Variants in TACR3 observed in about 807,000 individuals in gnomAD.
TACR3 encodes the protein tachykinin receptor 3.
A neutral mutation model predicts 35.0 loss-of-function variants in TACR3; 34 were observed. That is an observed-to-expected ratio of 0.97 (90% CI 0.74 to 1.30). TACR3 has a LOEUF of 1.30. Ranked by LOEUF, TACR3 falls within the 50% of genes most tolerant of loss-of-function variation. The probability of loss-of-function intolerance (pLI) is 0.00; values close to 1 mark genes in which losing one functional copy is unlikely to be tolerated. For missense variants in TACR3, 558 were observed against 591.7 expected, an observed-to-expected ratio of 0.94 and a Z score of 0.59; for synonymous variants, 233 against 221.1, an observed-to-expected ratio of 1.05 and a Z score of -0.48.
chr4:103,709,884 A>C (rs541874782), intron 1 of TACR3, among the ~76,000 whole-genome samples: 149 of 152,314 alleles, frequency 9.8e-4, no homozygotes, highest in Non-Finnish European at 1.9e-3. Flanking sequence ...ACAGACTTTA[A>C]ACCAACAAAG....
At chr4:103,683,879 G>T (rs1722170390) in intron 1 of TACR3, among the ~76,000 whole-genome samples, 1 of 151,234 alleles carries the variant, frequency 6.6e-6, no homozygotes, top group South Asian at 2.1e-4. Context: ...AGAGAGAGAG[G>T]AGAGCCAGAC....
Position 103,618,007 on chromosome 4 carries a change from A to T in TACR3, c.889-26324T>A, listed in dbSNP as rs541192003. Among the ~76,000 whole-genome samples the T allele has an allele frequency of 3.3e-5, 5 of 152,284 alleles. No individual in the cohort carries two copies. In the East Asian group the frequency reaches 9.7e-4, roughly 29 times the overall value. On this transcript the variant is annotated intron_variant, in intron 3 of 4. Transcript: ENST00000304883. Reference sequence around the variant, plus strand: ...GGGAGAAAAATCATAAAATATCCTAAAAATTCAGTGTCTATGAGTTTAGGA... The same window carrying T: ...GGGAGAAAAATCATAAAATATCCTATAAATTCAGTGTCTATGAGTTTAGGA...
At chr4:103,614,882 G>GTTTTTTTTTTTTTTTTT (rs1325226834) in intron 3 of TACR3, among the ~76,000 whole-genome samples, 1 of 90,818 alleles carries the variant, frequency 1.1e-5, no homozygotes, top group African/African-American at 4.4e-5. Flanking sequence ...GATTATGAAT[G>GTTTTTTTTTTTTTTTTT]TGTTTTTTTT....
chr4:103,599,143 G>A (rs1049087626), intron 3 of TACR3, among the ~76,000 whole-genome samples: 14 of 152,266 alleles, frequency 9.2e-5, no homozygotes, highest in African/African-American at 2.9e-4. Context: ...GCAGTGGTTT[G>A]TAGTTCTCCT....
Position 103,687,571 on chromosome 4 carries a change from A to G in TACR3, c.549-29168T>C, listed in dbSNP as rs370600585. Among the ~76,000 whole-genome samples the G allele has an allele frequency of 1.4e-3, 217 of 152,116 alleles. 1 individual carries two copies. Among genetic ancestry groups the G allele is most frequent in the Middle Eastern group, 6.8e-3 (2 of 294 alleles). On this transcript the variant is annotated intron_variant, in intron 1 of 4. Coordinates refer to ENST00000304883, the MANE Select transcript of TACR3 (RefSeq NM_001059.3). Reference sequence around the variant, plus strand: ...AAGTCTCAGGATACAAAATCAATGTACAAAAATCACAAGCATTCTTATACA... The same window carrying G: ...AAGTCTCAGGATACAAAATCAATGTGCAAAAATCACAAGCATTCTTATACA...
intron 3 of TACR3, among the ~76,000 whole-genome samples, chr4:103,600,778 G>A (rs1724179109): frequency 6.6e-6 from 1 of 152,174 alleles, no homozygotes; most frequent in Non-Finnish European, 1.5e-5. Flanking sequence ...TTTTGAGTGA[G>A]TTTCTTAATC....
At chr4:103,660,116 G>A (rs1183439671) in intron 1 of TACR3, among the ~76,000 whole-genome samples, 1 of 151,882 alleles carries the variant, frequency 6.6e-6, no homozygotes, top group African/African-American at 2.4e-5. Context: ...AATCTTTGTT[G>A]TTGTAACTAC....
intron 1 of TACR3, among the ~76,000 whole-genome samples, chr4:103,689,983 CAA>C (rs1722363470): frequency 2.0e-5 from 3 of 151,796 alleles, no homozygotes; most frequent in South Asian, 4.1e-4. Flanking sequence ...TAATTGCACA[CAA>C]GAGAGCCATA....
At chr4:103,649,373 C>T (rs970999336) in intron 3 of TACR3, among the ~76,000 whole-genome samples, 8 of 152,006 alleles carry the variant, frequency 5.3e-5, no homozygotes, top group Admixed American at 3.9e-4. Context: ...AGTTCAATGG[C>T]CTGGATCATT....
chr4:103,598,725 T>A (rs1385842675), intron 3 of TACR3, among the ~76,000 whole-genome samples: 1 of 152,154 alleles, frequency 6.6e-6, no homozygotes, highest in Non-Finnish European at 1.5e-5. Context: ...TTTCCCCATT[T>A]CTTGTTTTTG....
chr4:103,669,558 T>C (rs1056395008), intron 1 of TACR3, among the ~76,000 whole-genome samples: 3 of 152,166 alleles, frequency 2.0e-5, no homozygotes, highest in African/African-American at 7.2e-5. Flanking sequence ...ACATGATATC[T>C]CATTGTGGCT....
chr4:103,674,429 C>G (rs1048159495), intron 1 of TACR3, among the ~76,000 whole-genome samples: 14 of 152,014 alleles, frequency 9.2e-5, no homozygotes, highest in Non-Finnish European at 5.9e-5. Context: ...TGGAAGTAGG[C>G]TCCCTCACAA....
chr4:103,656,258 C>A lies in TACR3; in HGVS notation c.824G>T (p.Trp275Leu). The A allele has an allele frequency of 6.2e-7, 1 of 1,613,020 alleles. No homozygotes were observed. Among genetic ancestry groups the A allele is most frequent in the South Asian group, 1.1e-5 (1 of 91,078 alleles). The change falls in exon 3 of 5, where the codon TGG becomes TTG. Residue 275 changes from tryptophan to leucine, a missense_variant. Coordinates refer to ENST00000304883, the MANE Select transcript of TACR3 (RefSeq NM_001059.3). ...ITYTIVGITL[W>L]GGEIPGDTCD... ...GGTATCTCCTGGGATTTCTCCTCCCCAGAGAGTAATTCCAACAATGGTGTA... is the reference window on the plus strand; with the variant it reads ...GGTATCTCCTGGGATTTCTCCTCCCAAGAGAGTAATTCCAACAATGGTGTA...
chr4:103,694,461 T>C (rs1336963561), intron 1 of TACR3, among the ~76,000 whole-genome samples: 3 of 152,158 alleles, frequency 2.0e-5, no homozygotes, highest in African/African-American at 7.2e-5. Flanking sequence ...ACAGACTTTG[T>C]ACCCAGCACA....
intron 3 of TACR3, among the ~76,000 whole-genome samples, chr4:103,603,365 C>T (rs1578222025): frequency 1.3e-5 from 2 of 152,356 alleles, no homozygotes; most frequent in South Asian, 4.1e-4. Flanking sequence ...ATGCCTCGCC[C>T]TGCTTTGGCT....
chr4:103,717,381 C>T (rs138648810), intron 1 of TACR3, among the ~76,000 whole-genome samples: 2 of 151,666 alleles, frequency 1.3e-5, no homozygotes, highest in African/African-American at 4.8e-5. Context: ...ATGCTTTACA[C>T]AAAGAAATAG....
intron 1 of TACR3, among the ~76,000 whole-genome samples, chr4:103,660,971 A>G (rs1442028464): frequency 6.6e-6 from 1 of 152,098 alleles, no homozygotes; most frequent in Non-Finnish European, 1.5e-5. Context: ...CCTCTATTTT[A>G]CAGAAAGGAA....
At chr4:103,626,871 T>C (rs116355840) in intron 3 of TACR3, among the ~76,000 whole-genome samples, 1,655 of 152,098 alleles carry the variant, frequency 0.011, 24 homozygotes, top group African/African-American at 0.034. Flanking sequence ...AAGGTCCCTA[T>C]GTATTGTTTT....
chr4:103,596,825 T>C (rs555072569), intron 3 of TACR3, among the ~76,000 whole-genome samples: 15 of 151,448 alleles, frequency 9.9e-5, no homozygotes, highest in Non-Finnish European at 8.8e-5. Context: ...CATTGTTCAA[T>C]TCCCACCTGT....
Sources: allele counts gnomAD v4.1 joint callset (sites outside exome capture counted in the v4.1 genomes callset), GRCh38; gene constraint gnomAD v4.1.1; transcripts MANE v1.5; gene names NCBI Gene and HGNC (gene_info 2026-07-23, HGNC 2026-07-21).